Variants in MAP2K6 observed in about 807,000 individuals in gnomAD.
MAP2K6 encodes dual specificity mitogen-activated protein kinase kinase 6.
MAP2K6 carries 16 observed loss-of-function variants against 53.7 expected under a neutral mutation model. The ratio of observed to expected loss-of-function variants is 0.30; its 90% CI spans 0.20 to 0.45. The LOEUF (loss-of-function observed/expected upper bound fraction) is 0.45, where lower values mean the gene tolerates loss of function less well. Among genes scored for constraint, MAP2K6 ranks in the 20% least tolerant of loss-of-function variants. MAP2K6 has a pLI of 1.00. For synonymous variants in MAP2K6, 132 were observed against 143.1 expected, an observed-to-expected ratio of 0.92 and a Z score of 0.55; for missense variants, 204 against 411.9, an observed-to-expected ratio of 0.50 and a Z score of 4.37.
At chr17:69,527,854 G>T (rs1453795259) in intron 10 of MAP2K6, among the ~76,000 whole-genome samples, 1 of 152,120 alleles carries the variant, frequency 6.6e-6, no homozygotes, top group Admixed American at 6.5e-5. Flanking sequence ...GGGCACCCGC[G>T]CCTGTAATCC....
chr17:69,440,423 CTCA>C (rs1906780176), intron 1 of MAP2K6, among the ~76,000 whole-genome samples: 1 of 152,174 alleles, frequency 6.6e-6, no homozygotes, highest in Non-Finnish European at 1.5e-5. Context: ...CCCAATATAA[CTCA>C]TCTCCTCTTG....
At chr17:69,415,619 T>C (rs1035209786) in intron 1 of MAP2K6, among the ~76,000 whole-genome samples, 1 of 152,206 alleles carries the variant, frequency 6.6e-6, no homozygotes, top group Non-Finnish European at 1.5e-5. Context: ...TTTTGCACTT[T>C]ACACCAATTG....
At chr17:69,523,790 T>C (rs1910616939) in intron 8 of MAP2K6, 149 bp downstream of exon 8, 1 of 1,039,776 alleles carries the variant, frequency 9.6e-7, no homozygotes, top group Non-Finnish European at 1.4e-6. Flanking sequence ...CAAAATTTTA[T>C]GTCTGAAATC....
intron 1 of MAP2K6, among the ~76,000 whole-genome samples, chr17:69,436,903 C>T (rs1906661520): frequency 6.6e-6 from 1 of 152,016 alleles, no homozygotes; most frequent in Non-Finnish European, 1.5e-5. Flanking sequence ...CGGTTCACTA[C>T]AACCTCCATC....
At chr17:69,437,699 C>T (rs1432335350) in intron 1 of MAP2K6, among the ~76,000 whole-genome samples, 4 of 152,312 alleles carry the variant, frequency 2.6e-5, no homozygotes, top group Admixed American at 2.6e-4. Flanking sequence ...ATCATCATCA[C>T]AGAAGGAAGC....
intron 1 of MAP2K6, among the ~76,000 whole-genome samples, chr17:69,486,873 A>G (rs1908559668): frequency 6.6e-6 from 1 of 152,202 alleles, no homozygotes; most frequent in Non-Finnish European, 1.5e-5. Context: ...CAAACACCAG[A>G]GCACCGTTTA....
chr17:69,451,610 G>A (rs1475187164), intron 1 of MAP2K6, among the ~76,000 whole-genome samples: 1 of 152,162 alleles, frequency 6.6e-6, no homozygotes, highest in Non-Finnish European at 1.5e-5. Flanking sequence ...TTGAGGGGAC[G>A]CTAACAAAGC....
intron 1 of MAP2K6, among the ~76,000 whole-genome samples, chr17:69,485,811 A>G (rs944075842): frequency 6.6e-6 from 1 of 151,876 alleles, no homozygotes; most frequent in Non-Finnish European, 1.5e-5. Flanking sequence ...GCCTCTTTTG[A>G]CCCTTTCCCT....
chr17:69,481,358 T>C (rs1567833737), intron 1 of MAP2K6, among the ~76,000 whole-genome samples: 2 of 152,192 alleles, frequency 1.3e-5, no homozygotes, highest in Non-Finnish European at 2.9e-5. Flanking sequence ...TCTTCCATCA[T>C]CTGCATGTTG....
chr17:69,418,840 T>C (rs1239547382), intron 1 of MAP2K6, among the ~76,000 whole-genome samples: 1 of 151,666 alleles, frequency 6.6e-6, no homozygotes, highest in African/African-American at 2.4e-5. Flanking sequence ...CTCTCCATTC[T>C]CTTTTCTTCC....
chr17:69,535,111 G>A lies in MAP2K6; in HGVS notation c.882-1004G>A, dbSNP rs185031669. Among the ~76,000 whole-genome samples the A allele has an allele frequency of 2.6e-5, 4 of 151,860 alleles. No homozygotes were observed. In the East Asian group the frequency reaches 5.8e-4, roughly 22 times the overall value. On this transcript the variant is annotated intron_variant, in intron 10 of 11. Transcript: ENST00000590474. ...ATAAGTAACAGCATTTATTGCCTCC[G>A]GTATCAAATGTTATTAAATGTCTGT... is the stretch of plus-strand genomic sequence containing the variant.
At chr17:69,479,888 G>A (rs939479013) in intron 1 of MAP2K6, among the ~76,000 whole-genome samples, 2 of 151,762 alleles carry the variant, frequency 1.3e-5, no homozygotes, top group Admixed American at 6.6e-5. Context: ...GCACACCACC[G>A]TGCCTGGCTA....
intron 1 of MAP2K6, chr17:69,434,188 A>T (rs933286067): frequency 2.6e-5 from 4 of 152,146 alleles, no homozygotes; most frequent in Admixed American, 6.5e-5. Flanking sequence ...GCATGGGTTG[A>T]TTAGTACTGA....
At chr17:69,432,368 C>G (rs989579049) in intron 1 of MAP2K6, among the ~76,000 whole-genome samples, 7 of 152,180 alleles carry the variant, frequency 4.6e-5, no homozygotes, top group Non-Finnish European at 8.8e-5. Flanking sequence ...TTTATTGCAG[C>G]ACTATTCACA....
chr17:69,470,543 C>T (rs552832323), intron 1 of MAP2K6, among the ~76,000 whole-genome samples: 3 of 152,212 alleles, frequency 2.0e-5, no homozygotes, highest in Non-Finnish European at 4.4e-5. Context: ...GGGACATGCC[C>T]CCTTGTGTAT....
chr17:69,516,880 G>C lies in MAP2K6; in HGVS notation c.109G>C (p.Ala37Pro). 1.3e-6 allele frequency: 2 copies of C among 1,597,292 alleles called. No homozygotes were observed. Residue 37 changes from alanine to proline, a missense_variant, in exon 3 of 12, where the codon GCT becomes CCT. By Grantham distance (27) the Ala-to-Pro change is conservative (BLOSUM62 -1). This residue lies in a region of MAP2K6 where 129 missense variants were observed against 247.1 expected (regional missense o/e 0.52). Coordinates refer to ENST00000590474, the MANE Select transcript of MAP2K6 (RefSeq NM_002758.4). ...STPPRDLDSKACISIGNQNFE... is the reference protein window; with the variant it reads ...STPPRDLDSKPCISIGNQNFE... ...ACCACCTCGAGATTTAGACTCCAAG[G>C]CTTGCATTTCTATTGGAAATCAGGT...
At chr17:69,495,224 G>A (rs1012902721) in intron 1 of MAP2K6, among the ~76,000 whole-genome samples, 13 of 150,442 alleles carry the variant, frequency 8.6e-5, no homozygotes, top group African/African-American at 2.9e-4. Context: ...GGTAAATTTC[G>A]TTTTATTTTT....
chr17:69,432,848 G>A (rs1906510985), intron 1 of MAP2K6, among the ~76,000 whole-genome samples: 1 of 149,934 alleles, frequency 6.7e-6, no homozygotes, highest in East Asian at 1.9e-4. Flanking sequence ...TATTACAGAT[G>A]CATCTCCTTG....
chr17:69,505,307 G>A (rs1208906239), intron 1 of MAP2K6: 1 of 155,020 alleles, frequency 6.5e-6, no homozygotes, highest in Non-Finnish European at 1.4e-5. Flanking sequence ...GCCGGGCATG[G>A]TGGTGCATGC....
Sources: gnomAD v4.1 joint callset for allele counts (sites outside exome capture counted in the v4.1 genomes callset) on GRCh38, gnomAD v4.1.1 for gene constraint, gnomAD v4.1.1 regional missense constraint, MANE v1.5 for transcripts, NCBI Gene and HGNC (gene_info 2026-07-23, HGNC 2026-07-21) for gene names.